Variants in TRIM67 observed in about 807,000 individuals in gnomAD.
TRIM67 encodes tripartite motif containing 67, also known as tripartite motif-containing protein 67.
A neutral mutation model predicts 71.0 loss-of-function variants in TRIM67; 39 were observed. The ratio of observed to expected loss-of-function variants is 0.55; its 90% CI spans 0.43 to 0.72. The LOEUF (loss-of-function observed/expected upper bound fraction) is 0.72. Ranked by LOEUF, TRIM67 falls within the 30% of genes least tolerant of loss-of-function variation. The probability of loss-of-function intolerance (pLI) is 0.00; values close to 1 mark genes in which losing one functional copy is unlikely to be tolerated. For missense variants in TRIM67, 973 were observed against 1,079.2 expected (o/e 0.90, Z 1.38); for synonymous variants, 481 against 473.9 (o/e 1.01, Z -0.19).
chr1:231,208,933 T>A lies in TRIM67; in HGVS notation c.1820-14T>A. ...ATCCCCTGACCCTGCTCCTCTCACC[T>A]CCTCCCTTTTTAGTGGCCTGGTTCA... On this transcript the variant is annotated splice_polypyrimidine_tract_variant and intron_variant, in intron 7 of 9. Coordinates refer to ENST00000366653, the MANE Select transcript of TRIM67 (RefSeq NM_001004342.5). The A allele has an allele frequency of 6.4e-7, 1 of 1,560,518 alleles. No individual in the cohort carries two copies. The highest frequency in any genetic ancestry group is 1.4e-5 in the African/African-American group (1 of 73,994).
chr1:231,205,315 A>G (rs1349841030), intron 6 of TRIM67, among the ~76,000 whole-genome samples: 1 of 152,234 alleles, frequency 6.6e-6, no homozygotes, highest in Non-Finnish European at 1.5e-5. Context: ...CTTAGACCAC[A>G]TTATTTAATT....
chr1:231,199,666 G>A (rs557933951), intron 3 of TRIM67, among the ~76,000 whole-genome samples: 1 of 152,126 alleles, frequency 6.6e-6, no homozygotes, highest in African/African-American at 2.4e-5. Flanking sequence ...AGTTGATGAC[G>A]GGCTGTCACT....
chr1:231,215,735 G>A lies in TRIM67; in HGVS notation c.*295G>A. ...CCTTTCTCAAGGGAGTCAGCATTCG[G>A]GCTTCATGTCTATGTTTCCTGCCAT... On this transcript the variant is annotated 3_prime_UTR_variant, in exon 10 of 10. Coordinates refer to ENST00000366653, the MANE Select transcript of TRIM67 (RefSeq NM_001004342.5). 8.4e-7 allele frequency: 1 copy of A among 1,192,022 alleles called. No homozygotes were observed. Among genetic ancestry groups the A allele is most frequent in the Non-Finnish European group, 1.0e-6 (1 of 961,768 alleles). The allele number at this position is 1,192,022 out of a possible 1,614,324, so 73.8% of individuals were successfully genotyped here. A position where few individuals can be genotyped will look rare whatever the true frequency, so the allele number is the denominator to read the frequency against.
At chr1:231,192,933 GT>G (rs1294103885) in intron 1 of TRIM67, among the ~76,000 whole-genome samples, 1 of 152,256 alleles carries the variant, frequency 6.6e-6, no homozygotes, top group Admixed American at 6.5e-5. Flanking sequence ...AAACCACTCT[GT>G]TTTTGGGCTT....
In TRIM67 at chr1:231,200,241, C is replaced by T. The variant is rs771809800; in HGVS notation, c.1357C>T (p.Pro453Ser). The T allele has an allele frequency of 6.2e-7, 1 of 1,612,884 alleles. No homozygotes were observed. Among genetic ancestry groups the T allele is most frequent in the East Asian group, 2.2e-5 (1 of 44,854 alleles). Residue 453 changes from proline (P) to serine (S), a missense_variant, in exon 4 of 10, where the codon CCC becomes TCC. By Grantham distance (74) the Pro-to-Ser change is moderately conservative. This residue lies in a region of TRIM67 where 795 missense variants were observed against 831.3 expected (regional missense o/e 0.96). Coordinates refer to ENST00000366653, the MANE Select transcript of TRIM67 (RefSeq NM_001004342.5). The stretch of plus-strand genomic sequence containing the variant: ...CCTGGAGGTGATCAAGGAGAACGAC[C>T]CCTCCGGGTTCTTACAGGTGAGCCT... ...YCLEVIKEND[P>S]SGFLQISDAL...
intron 1 of TRIM67, among the ~76,000 whole-genome samples, chr1:231,169,000 G>A (rs1182686888): frequency 1.3e-5 from 2 of 152,234 alleles, no homozygotes; most frequent in African/African-American, 4.8e-5. Context: ...GGGGCTCTCA[G>A]AGCATGTGGC....
rs374680365 is a variant in TRIM67, at chr1:231,185,577, T to C, written c.1045-11794T>C. 4.7e-4 allele frequency among the ~76,000 whole-genome samples: 72 copies of C among 151,916 alleles called. 2 individuals carry two copies. The highest frequency in any genetic ancestry group is 1.7e-3 in the African/African-American group (70 of 41,228). On this transcript the variant is annotated intron_variant, in intron 1 of 9. Coordinates refer to ENST00000366653, the MANE Select transcript of TRIM67 (RefSeq NM_001004342.5). ...CCTTGGGCTGCAGCACTGGGACCTT[T>C]GCCTAGGGGAGCCCAGACGCGTCCT... is the stretch of plus-strand genomic sequence containing the variant.
chr1:231,190,624 C>T (rs1351574110), intron 1 of TRIM67, among the ~76,000 whole-genome samples: 4 of 152,164 alleles, frequency 2.6e-5, no homozygotes, highest in Non-Finnish European at 4.4e-5. Context: ...TGGCTCCTCC[C>T]TAAGTGGACA....
intron 8 of TRIM67, among the ~76,000 whole-genome samples, chr1:231,212,458 G>C (rs1683901618): frequency 6.6e-6 from 1 of 152,178 alleles, no homozygotes; most frequent in African/African-American, 2.4e-5. Context: ...TTAGTGTCTT[G>C]TAAATTAAAA....
At chr1:231,212,918 A>G (rs935590010) in intron 8 of TRIM67, among the ~76,000 whole-genome samples, 1 of 152,184 alleles carries the variant, frequency 6.6e-6, no homozygotes, top group African/African-American at 2.4e-5. Context: ...GACATTCTCA[A>G]CGTTCCGCTA....
chr1:231,197,865 G>GAGAAGGAGA (rs1004871788), intron 2 of TRIM67, among the ~76,000 whole-genome samples: 2 of 151,828 alleles, frequency 1.3e-5, no homozygotes, highest in Admixed American at 1.3e-4. Flanking sequence ...GAAGGAGAAG[G>GAGAAGGAGA]AGAAGGAGAA....
chr1:231,196,602 T>C (rs1470081551), intron 1 of TRIM67, among the ~76,000 whole-genome samples: 2 of 151,418 alleles, frequency 1.3e-5, no homozygotes, highest in East Asian at 1.9e-4. Flanking sequence ...AAGGTCACAG[T>C]CTACTCAATA....
chr1:231,200,303 TC>T (rs1202632256), intron 4 of TRIM67, 45 bp downstream of exon 4: 1 of 1,276,274 alleles, frequency 7.8e-7, no homozygotes, highest in African/African-American at 1.5e-5. Flanking sequence ...CCTCCAACTG[TC>T]CCACTGTTCC....
At chr1:231,210,569 G>A (rs887577710) in intron 8 of TRIM67, among the ~76,000 whole-genome samples, 1 of 151,096 alleles carries the variant, frequency 6.6e-6, no homozygotes, top group African/African-American at 2.4e-5. Flanking sequence ...CATCAGCTCC[G>A]TCTCTGCTTG....
At chr1:231,190,531 G>T (rs1320354665) in intron 1 of TRIM67, among the ~76,000 whole-genome samples, 1 of 152,166 alleles carries the variant, frequency 6.6e-6, no homozygotes, top group African/African-American at 2.4e-5. Context: ...TGTTTCTGGG[G>T]GGTCACCTTC....
intron 1 of TRIM67, among the ~76,000 whole-genome samples, chr1:231,175,845 G>A (rs533706760): frequency 6.6e-6 from 1 of 152,272 alleles, no homozygotes; most frequent in Non-Finnish European, 1.5e-5. Context: ...CTGCCATTTG[G>A]GCCTCATGTG....
At chr1:231,179,875 G>T (rs1682853517) in intron 1 of TRIM67, among the ~76,000 whole-genome samples, 1 of 152,200 alleles carries the variant, frequency 6.6e-6, no homozygotes, top group Admixed American at 6.5e-5. Context: ...GGGCAGTGTG[G>T]TGCTGATTAG....
Position 231,215,377 on chromosome 1 carries a change from C to G in TRIM67, c.2289C>G (p.Val763=), listed in dbSNP as rs758403649. Residue 763 remains valine, a splice_region_variant and synonymous_variant, in exon 10 of 10, where the codon GTC becomes GTG. Coordinates refer to ENST00000366653, the MANE Select transcript of TRIM67 (RefSeq NM_001004342.5). The stretch of plus-strand genomic sequence containing the variant: ...ACTTGCCCTGTCTTCTTTTCCAGGT[C>G]ACCCTGCACACAGGATTGGAAGTGC... ...PALSLNRNVQ[V]TLHTGLEVPT... is the part of the protein sequence containing the mutation. 1 of 1,612,674 alleles carries G rather than the reference C, an allele frequency of 6.2e-7. No individual in the cohort carries two copies. Among genetic ancestry groups the G allele is most frequent in the Non-Finnish European group, 8.5e-7 (1 of 1,179,148 alleles).
intron 1 of TRIM67, among the ~76,000 whole-genome samples, chr1:231,173,313 G>A (rs751926080): frequency 9.2e-5 from 14 of 152,212 alleles, no homozygotes; most frequent in Non-Finnish European, 1.6e-4. Context: ...TTGGGAGGCT[G>A]AGGCAGGTGG....
Sources: allele counts gnomAD v4.1 joint callset (sites outside exome capture counted in the v4.1 genomes callset), GRCh38; gene constraint gnomAD v4.1.1; regional missense constraint gnomAD v4.1.1; transcripts MANE v1.5; gene names NCBI Gene and HGNC (gene_info 2026-07-23, HGNC 2026-07-21).